PIBF1: variants seen among roughly 807,000 people sequenced by gnomAD.
The protein encoded by PIBF1 is progesterone-induced-blocking factor 1.
Under a neutral mutation model 112.5 loss-of-function variants are expected in PIBF1, and 90 were observed. The ratio of observed to expected loss-of-function variants is 0.80; its 90% CI spans 0.67 to 0.95. The LOEUF is 0.95. Among genes scored for constraint, PIBF1 ranks in the 40% least tolerant of loss-of-function variants. The probability of loss-of-function intolerance (pLI) is 0.00; values close to 1 mark genes in which losing one functional copy is unlikely to be tolerated. For missense variants in PIBF1, 915 were observed against 852.3 expected (o/e 1.07, Z -0.92); for synonymous variants, 301 against 288.6 (o/e 1.04, Z -0.44).
intron 10 of PIBF1, among the ~76,000 whole-genome samples, chr13:72,858,260 C>T (rs1463567612): frequency 6.6e-6 from 1 of 152,128 alleles, no homozygotes; most frequent in Non-Finnish European, 1.5e-5. Context: ...CCATGTTGCC[C>T]AGTCTGGTCT....
At chr13:72,909,098 A>G (rs567022296) in intron 12 of PIBF1, among the ~76,000 whole-genome samples, 1 of 152,312 alleles carries the variant, frequency 6.6e-6, no homozygotes, top group African/African-American at 2.4e-5. Flanking sequence ...TTCTTAAAAT[A>G]TAATTGGTGA....
chr13:72,946,596 G>A (rs2042154207), intron 14 of PIBF1, among the ~76,000 whole-genome samples: 2 of 152,184 alleles, frequency 1.3e-5, no homozygotes, highest in Admixed American at 1.3e-4. Context: ...CTATGAGCCT[G>A]CAAAATTAAA....
At position 72,782,173 on chromosome 13, in the gene PIBF1, C is replaced by A. The variant is rs1166097106; in HGVS notation, c.-224C>A. On this transcript the variant is annotated 5_prime_UTR_variant, in exon 1 of 18. Coordinates refer to ENST00000326291, the MANE Select transcript of PIBF1 (RefSeq NM_006346.4). ...CGGCTTGTGGGAGTGCTGGTTCTGT[C>A]CTCCTTGCGGGTGCGGAGATGGTTG... 3.8e-6 allele frequency: 1 copy of A among 260,578 alleles called. No individual in the cohort carries two copies. Among genetic ancestry groups the A allele is most frequent in the Middle Eastern group, 1.1e-3 (1 of 908 alleles). The allele number at this position is 260,578 out of a possible 1,614,324, so 16.1% of individuals were successfully genotyped here.
In PIBF1 at chr13:72,934,948, GGTTA is replaced by G. The variant is rs151324539; in HGVS notation, c.1833+3697_1833+3700del. Among the ~76,000 whole-genome samples, 885 of 151,710 alleles carry G rather than the reference GGTTA, an allele frequency of 5.8e-3. 4 individuals are homozygous for G. Among genetic ancestry groups the G allele is most frequent in the African/African-American group, 0.01 (421 of 41,192 alleles). ...TACTGATTTACTTTCAGTTACTGTAGGTTAGTTAGTTAGTTAGTTTGTTTGTCTG... is the reference window on the plus strand; with the variant it reads ...TACTGATTTACTTTCAGTTACTGTAGGTTAGTTAGTTAGTTTGTTTGTCTG... On this transcript the variant is annotated intron_variant, in intron 14 of 17. Coordinates refer to ENST00000326291, the MANE Select transcript of PIBF1 (RefSeq NM_006346.4).
At chr13:73,004,762 G>C (rs533908392) in intron 17 of PIBF1, among the ~76,000 whole-genome samples, 1 of 152,286 alleles carries the variant, frequency 6.6e-6, no homozygotes, top group South Asian at 2.1e-4. Context: ...CAGGGGCTAG[G>C]GGGTATGGGG....
intron 11 of PIBF1, among the ~76,000 whole-genome samples, chr13:72,904,599 C>G (rs1419277727): frequency 1.3e-5 from 2 of 151,292 alleles, no homozygotes; most frequent in Admixed American, 6.6e-5. Flanking sequence ...CGCTACCACA[C>G]CCAGCTAATT....
At chr13:72,831,679 T>G (rs2037122781) in intron 8 of PIBF1, among the ~76,000 whole-genome samples, 1 of 152,200 alleles carries the variant, frequency 6.6e-6, no homozygotes, top group African/African-American at 2.4e-5. Flanking sequence ...GGTGTTTTAC[T>G]TCCTATTATG....
At chr13:72,938,449 T>A (rs2041929850) in intron 14 of PIBF1, among the ~76,000 whole-genome samples, 2 of 152,156 alleles carry the variant, frequency 1.3e-5, no homozygotes, top group Admixed American at 1.3e-4. Context: ...ATAAATGAAA[T>A]CATGCAATAT....
At chr13:72,854,019 C>T (rs754299028) in intron 9 of PIBF1, 38 bp from the exon 10 acceptor site, 6 of 1,331,760 alleles carry the variant, frequency 4.5e-6, no homozygotes, top group East Asian at 2.3e-5. Context: ...AGATAAATCA[C>T]GCATTTGAAA....
chr13:72,893,959 C>T lies in PIBF1; in HGVS notation c.1488+10C>T. 7.3e-7 allele frequency: 1 copy of T among 1,369,736 alleles called. No individual in the cohort carries two copies. The highest frequency in any genetic ancestry group is 9.6e-7 in the Non-Finnish European group (1 of 1,036,746). 84.8% of individuals were successfully genotyped at this position (1,369,736 alleles called of 1,614,324 possible). ...TCAGAAAAAATTGGAGGTACATGTA[C>T]AAGCTTTTCTTTCAACATTAGCATG... On this transcript the variant is annotated intron_variant, in intron 11 of 17. Transcript: ENST00000326291.
chr13:72,998,939 T>C lies in PIBF1; in HGVS notation c.2167T>C (p.Leu723=). The change falls in exon 17 of 18, where the codon TTG becomes CTG. Residue 723 remains leucine, a synonymous_variant. Coordinates refer to ENST00000326291, the MANE Select transcript of PIBF1 (RefSeq NM_006346.4). The stretch of plus-strand genomic sequence containing the variant: ...GACAGAAAATCAGAAATCAAAGACT[T>C]TGAATGTGCCTAAAGAGCATGAAGA... ...HVTENQKSKT[L]NVPKEHEDNI... 1.9e-6 allele frequency: 3 copies of C among 1,612,248 alleles called. No individual in the cohort carries two copies. Among genetic ancestry groups the C allele is most frequent in the Non-Finnish European group, 2.5e-6 (3 of 1,178,676 alleles).
intron 5 of PIBF1, among the ~76,000 whole-genome samples, chr13:72,802,898 G>A (rs889087805): frequency 2.3e-4 from 35 of 152,172 alleles, no homozygotes; most frequent in African/African-American, 8.0e-4. Context: ...AGTTACCAGT[G>A]AAATAGGGAA....
At chr13:72,809,557 G>GT (rs2035901059) in intron 5 of PIBF1, among the ~76,000 whole-genome samples, 1 of 135,718 alleles carries the variant, frequency 7.4e-6, no homozygotes, top group African/African-American at 2.7e-5. Context: ...GATTAAAACT[G>GT]TTTAAGAAAT....
intron 16 of PIBF1, among the ~76,000 whole-genome samples, chr13:72,980,897 T>C (rs984502769): frequency 6.6e-6 from 1 of 151,928 alleles, no homozygotes; most frequent in African/African-American, 2.4e-5. Flanking sequence ...AGGCAATCCT[T>C]AGAATATTTG....
chr13:72,803,255 T>TTTTTTG (rs1028896695), intron 5 of PIBF1, among the ~76,000 whole-genome samples: 9 of 131,204 alleles, frequency 6.9e-5, no homozygotes, highest in African/African-American at 3.2e-4. Flanking sequence ...TTTTGTTTTG[T>TTTTTTG]TTTTTGTTTT....
At chr13:72,852,499 T>G (rs1472789006) in intron 9 of PIBF1, among the ~76,000 whole-genome samples, 1 of 152,124 alleles carries the variant, frequency 6.6e-6, no homozygotes, top group Non-Finnish European at 1.5e-5. Flanking sequence ...TCAGCAGGTG[T>G]GAGATCCCGG....
rs750662304 is a variant in PIBF1 at position 72,795,401 on chromosome 13, G to T, written c.396G>T (p.Leu132Phe). 1.2e-6 allele frequency: 2 copies of T among 1,604,182 alleles called. No individual in the cohort carries two copies. The highest frequency in any genetic ancestry group is 2.2e-5 in the East Asian group (1 of 44,640). The change falls in exon 4 of 18, where the codon TTG (leucine) becomes TTT (phenylalanine). Residue 132 changes from leucine (L) to phenylalanine (F), a missense_variant. Leu to Phe is a conservative substitution (Grantham distance 22). Transcript: ENST00000326291. ...ELMKQEMETILLRQKQLEETN... is the reference protein window; with the variant it reads ...ELMKQEMETIFLRQKQLEETN... Reference sequence around the variant, plus strand: ...TGAAACAAGAAATGGAAACCATTTTGTTGAGACAGAAACAACTAGAAGAGA... The same window carrying T: ...TGAAACAAGAAATGGAAACCATTTTTTTGAGACAGAAACAACTAGAAGAGA...
intron 15 of PIBF1, among the ~76,000 whole-genome samples, chr13:72,971,834 C>G (rs917961551): frequency 6.6e-6 from 1 of 151,938 alleles, no homozygotes; most frequent in African/African-American, 2.4e-5. Context: ...TCCGTCTCCT[C>G]AGAGGACAAA....
chr13:72,972,225 T>G (rs1307573801), intron 15 of PIBF1, among the ~76,000 whole-genome samples: 1 of 150,548 alleles, frequency 6.6e-6, no homozygotes, highest in Non-Finnish European at 1.5e-5. Flanking sequence ...GAGATGGGGG[T>G]CTCTCTGTGT....
Sources: gnomAD v4.1 joint callset for allele counts (sites outside exome capture counted in the v4.1 genomes callset) on GRCh38, gnomAD v4.1.1 for gene constraint, MANE v1.5 for transcripts, NCBI Gene and HGNC (gene_info 2026-07-23, HGNC 2026-07-21) for gene names.